Variants in SMCO2 observed in about 807,000 individuals in gnomAD.
The protein encoded by SMCO2 is single-pass membrane protein with coiled-coil domains 2.
A neutral mutation model predicts 29.5 loss-of-function variants in SMCO2; 25 were observed. That is an observed-to-expected ratio of 0.85 (90% CI 0.62 to 1.18). The LOEUF is 1.18. SMCO2 is among the 50% of genes most tolerant of loss of function. The probability of loss-of-function intolerance (pLI) is 0.00; values close to 1 mark genes in which losing one functional copy is unlikely to be tolerated. For synonymous variants in SMCO2, 117 were observed against 123.3 expected, an observed-to-expected ratio of 0.95 and a Z score of 0.34; for missense variants, 348 against 344.5, an observed-to-expected ratio of 1.01 and a Z score of -0.08.
At position 27,471,263 on chromosome 12, in the gene SMCO2, C is replaced by T. The variant is rs200022170; in HGVS notation, c.134+498C>T. Among the ~76,000 whole-genome samples, 3 of 152,174 alleles carry T rather than the reference C, an allele frequency of 2.0e-5. No individual in the cohort carries two copies. The East Asian group carries it at 5.8e-4, about 29-fold the overall frequency. ...AAGCTATTATGATATCAAAGATGTT[C>T]TTAAATGCATTTATAATTTATTGAA... is the stretch of plus-strand genomic sequence containing the variant. On this transcript the variant is annotated intron_variant, in intron 2 of 7. Transcript: ENST00000298876.
the SMCO2 span, among the ~76,000 whole-genome samples, chr12:27,452,398 A>T: frequency 6.6e-6 from 1 of 152,126 alleles, no homozygotes; most frequent in Non-Finnish European, 1.5e-5. Flanking sequence ...ATTCTACCAC[A>T]TTTTAAATCC....
At chr12:27,445,115 C>A in the SMCO2 span, among the ~76,000 whole-genome samples, 19 of 152,232 alleles carry the variant, frequency 1.2e-4, no homozygotes, top group Admixed American at 1.2e-3. Context: ...CGTATGTTCT[C>A]ACTCATATGT....
chr12:27,480,985 C>T (rs1390919069), intron 4 of SMCO2, among the ~76,000 whole-genome samples: 3 of 152,152 alleles, frequency 2.0e-5, no homozygotes, highest in Non-Finnish European at 4.4e-5. Flanking sequence ...TCCCTTTGTC[C>T]TTGGGGCAGC....
the SMCO2 span, among the ~76,000 whole-genome samples, chr12:27,454,471 T>C: frequency 6.6e-6 from 1 of 152,230 alleles, no homozygotes; most frequent in Admixed American, 6.5e-5. Flanking sequence ...GGTTGGAGTT[T>C]TAAAATGTTT....
chr12:27,424,463 A>G, the SMCO2 span: 3 of 152,252 alleles, frequency 2.0e-5, no homozygotes, highest in African/African-American at 7.2e-5. Flanking sequence ...GACAAACAGG[A>G]AAGTACAGAA....
chr12:27,470,496 G>T lies in SMCO2; in HGVS notation c.-10-126G>T, dbSNP rs537926740. The T allele has an allele frequency of 1.5e-5, 14 of 948,286 alleles. No individual in the cohort carries two copies. The Admixed American group carries it at 5.4e-4, about 36-fold the overall frequency. The allele number at this position is 948,286 out of a possible 1,614,324, so 58.7% of individuals were successfully genotyped here. On this transcript the variant is annotated intron_variant, in intron 1 of 7. Transcript: ENST00000298876. ...GTTTTGGGGTCCTTTACGATGAACA[G>T]CCAGTTGAAAGGGGAGGAATTAAAG...
rs771726659 is a variant in SMCO2, at chr12:27,495,852, C to T, written c.680C>T (p.Ala227Val). 27 of 1,487,028 alleles carry T rather than the reference C, an allele frequency of 1.8e-5. No individual in the cohort carries two copies. The African/African-American group carries it at 3.4e-4, about 19-fold the overall frequency. 92.1% of individuals were successfully genotyped at this position (1,487,028 alleles called of 1,614,324 possible). A position where few individuals can be genotyped will look rare whatever the true frequency, so the allele number is the denominator to read the frequency against. The change falls in exon 7 of 8, where the codon GCA becomes GTA. Residue 227 changes from alanine to valine, a missense_variant. Ala to Val is a moderately conservative substitution (Grantham distance 64). Coordinates refer to ENST00000298876, the Ensembl canonical transcript of SMCO2. ...CAGAAGTCTCCTCCCCGCAATACAG[C>T]ATGGTAAGTCAGAGCAAGAGGCCAT...
intron 4 of SMCO2, among the ~76,000 whole-genome samples, chr12:27,483,968 A>G (rs1297914264): frequency 6.6e-6 from 1 of 152,144 alleles, no homozygotes; most frequent in Non-Finnish European, 1.5e-5. Context: ...GTTTAAGGTG[A>G]TTTTTTAAAG....
chr12:27,432,525 G>C, the SMCO2 span, among the ~76,000 whole-genome samples: 1 of 152,098 alleles, frequency 6.6e-6, no homozygotes, highest in Non-Finnish European at 1.5e-5. Flanking sequence ...AGAAGAAATG[G>C]GAGACAGAAA....
At chr12:27,478,714 A>G (rs1949612931) in intron 4 of SMCO2, among the ~76,000 whole-genome samples, 1 of 152,146 alleles carries the variant, frequency 6.6e-6, no homozygotes, top group African/African-American at 2.4e-5. Context: ...CCCTTGAACA[A>G]TGTACATAGG....
At chr12:27,491,700 A>G (rs1321823745) in intron 5 of SMCO2, among the ~76,000 whole-genome samples, 1 of 149,524 alleles carries the variant, frequency 6.7e-6, no homozygotes, top group African/African-American at 2.5e-5. Context: ...TATTTTATAT[A>G]TATATAGATC....
At chr12:27,466,149 C>T (rs575907551), upstream of SMCO2, among the ~76,000 whole-genome samples, 3 of 152,300 alleles carry the variant, frequency 2.0e-5, no homozygotes, top group South Asian at 6.2e-4. Context: ...GGGCCCGGTG[C>T]AGTGGCTCAC....
intron 7 of SMCO2, among the ~76,000 whole-genome samples, chr12:27,496,758 G>A (rs1943009542): frequency 6.6e-6 from 1 of 150,660 alleles, no homozygotes; most frequent in Non-Finnish European, 1.5e-5. Flanking sequence ...TTTTGCTGTT[G>A]AGTTGTAAAA....
At chr12:27,456,289 A>G in the SMCO2 span, among the ~76,000 whole-genome samples, 17 of 152,264 alleles carry the variant, frequency 1.1e-4, no homozygotes, top group Non-Finnish European at 2.5e-4. Flanking sequence ...GCATCAACAC[A>G]TGGATAAATG....
intron 7 of SMCO2, chr12:27,498,113 G>T: frequency 2.8e-6 from 1 of 350,968 alleles, no homozygotes; most frequent in South Asian, 3.2e-5. Context: ...TGTTGCTTAT[G>T]GCTGTATCAA....
At chr12:27,483,378 C>T (rs514100) in intron 4 of SMCO2, among the ~76,000 whole-genome samples, 18,487 of 152,038 alleles carry the variant, frequency 0.12, 2,172 homozygotes, top group African/African-American at 0.28. Context: ...TTTTGAAGAA[C>T]TGATCCCTTT....
At chr12:27,426,474 A>G in the SMCO2 span, among the ~76,000 whole-genome samples, 2 of 152,196 alleles carry the variant, frequency 1.3e-5, no homozygotes, top group Non-Finnish European at 2.9e-5. Flanking sequence ...TTTGAGCCTC[A>G]GTTTCTTCAT....
At chr12:27,450,962 C>G in the SMCO2 span, among the ~76,000 whole-genome samples, 1 of 152,140 alleles carries the variant, frequency 6.6e-6, no homozygotes, top group Admixed American at 6.5e-5. Context: ...ATTTTAGAAG[C>G]TTTAGGAGAC....
rs887268190 is a variant in SMCO2 at position 27,485,392 on chromosome 12, T to G, written c.363-3068T>G. On this transcript the variant is annotated intron_variant, in intron 4 of 7. Coordinates refer to ENST00000298876, the Ensembl canonical transcript of SMCO2. ...TATAGTTACAACTTTTAAAATAACC[T>G]TATCTACTAATTCTATCATCTAATC... Among the ~76,000 whole-genome samples the G allele has an allele frequency of 4.6e-5, 7 of 151,928 alleles. No individual in the cohort carries two copies. The South Asian group carries it at 1.2e-3, about 27-fold the overall frequency.
Sources: gnomAD v4.1 joint callset for allele counts (sites outside exome capture counted in the v4.1 genomes callset) on GRCh38, gnomAD v4.1.1 for gene constraint, MANE v1.5 for transcripts, NCBI Gene and HGNC (gene_info 2026-07-23, HGNC 2026-07-21) for gene names.